Variants in MTG1 observed in about 807,000 individuals in gnomAD.
MTG1 encodes the protein mitochondrial ribosome-associated GTPase 1.
Under a neutral mutation model 39.5 loss-of-function variants are expected in MTG1, and 30 were observed. The ratio of observed to expected loss-of-function variants is 0.76; its 90% CI spans 0.57 to 1.03. MTG1 has a LOEUF of 1.03. Ranked by LOEUF, MTG1 falls within the 50% of genes least tolerant of loss-of-function variation. The probability of loss-of-function intolerance (pLI) is 0.00; values close to 1 mark genes in which losing one functional copy is unlikely to be tolerated. For missense variants in MTG1, 513 were observed against 447.4 expected, an observed-to-expected ratio of 1.15 and a Z score of -1.32; for synonymous variants, 217 against 179.0, an observed-to-expected ratio of 1.21 and a Z score of -1.69.
chr10:133,399,745 A>C (rs1358533368), intron 6 of MTG1, 126 bp downstream of exon 6: 2 of 902,290 alleles, frequency 2.2e-6, no homozygotes, highest in Non-Finnish European at 3.5e-6. Context: ...CTGACCCCGC[A>C]GCCCCAGAGC....
At chr10:133,405,429 A>C (rs375605986) in intron 9 of MTG1, among the ~76,000 whole-genome samples, 69 of 152,316 alleles carry the variant, frequency 4.5e-4, no homozygotes, top group African/African-American at 1.6e-3. Context: ...GGTATTTGAA[A>C]TATCCTGTAG....
intron 7 of MTG1, chr10:133,401,921 A>G: frequency 5.1e-6 from 3 of 587,544 alleles, no homozygotes; most frequent in Admixed American, 5.9e-5. Context: ...CCTTGGGAGC[A>G]GAAGACAAGC....
intron 9 of MTG1, among the ~76,000 whole-genome samples, chr10:133,409,289 A>G (rs1172774863): frequency 6.6e-6 from 1 of 152,156 alleles, no homozygotes; most frequent in Non-Finnish European, 1.5e-5. Context: ...TAATTTCTTT[A>G]TTAACCCATT....
At position 133,414,921 on chromosome 10, in the gene MTG1, C is replaced by T. The variant is rs373034195; in HGVS notation, c.753-4559C>T. Among the ~76,000 whole-genome samples, 45 of 152,346 alleles carry T rather than the reference C, an allele frequency of 3.0e-4. No homozygotes were observed. The East Asian group carries it at 3.7e-3, about 12-fold the overall frequency. ...GACTCCGTCTGCAATCCCTGCACCTCGGGAGGCCGAGGCTGGCGGATCACT... is the reference window on the plus strand; with the variant it reads ...GACTCCGTCTGCAATCCCTGCACCTTGGGAGGCCGAGGCTGGCGGATCACT... On this transcript the variant is annotated intron_variant, in intron 9 of 10. Coordinates refer to ENST00000317502, the MANE Select transcript of MTG1 (RefSeq NM_138384.4).
Position 133,415,039 on chromosome 10 carries a change from GC to G in MTG1, c.753-4439del, listed in dbSNP as rs547669184. 2.1e-3 allele frequency among the ~76,000 whole-genome samples: 313 copies of G among 152,362 alleles called. 3 individuals carry two copies. The highest frequency in any genetic ancestry group is 7.1e-3 in the African/African-American group (296 of 41,580). ...AAACCAGTCAGGCGTGGTGGCGCGC[GC>G]CTGCAATTGGAGGCACTCGGCAGGC... On this transcript the variant is annotated intron_variant, in intron 9 of 10. Coordinates refer to ENST00000317502, the MANE Select transcript of MTG1 (RefSeq NM_138384.4).
At chr10:133,409,612 G>A (rs1018304710) in intron 9 of MTG1, among the ~76,000 whole-genome samples, 4 of 151,252 alleles carry the variant, frequency 2.6e-5, no homozygotes, top group African/African-American at 9.8e-5. Flanking sequence ...CTACGGAGAG[G>A]GGGTGTTGAA....
In MTG1 at chr10:133,421,853, G is replaced by A. The variant is rs761284195; in HGVS notation, c.*1688G>A. 2 of 151,638 alleles carry A rather than the reference G, an allele frequency of 1.3e-5. No homozygotes were observed. Among genetic ancestry groups the A allele is most frequent in the Admixed American group, 1.3e-4 (2 of 14,986 alleles). The allele number at this position is 151,638 out of a possible 1,614,324, so 9.4% of individuals were successfully genotyped here. On this transcript the variant is annotated 3_prime_UTR_variant, in exon 11 of 11. Transcript: ENST00000317502. ...CCCAGGAGGGATGCAGTCCGGCTGA[G>A]GGCGAGGCTGTCCCCAGGACATGGA... is the stretch of plus-strand genomic sequence containing the variant.
chr10:133,399,038 T>G (rs755447945), intron 4 of MTG1, 132 bp from the exon 5 acceptor site: 23 of 988,160 alleles, frequency 2.3e-5, no homozygotes, highest in Non-Finnish European at 3.6e-5. Context: ...GATAGGAGGT[T>G]TCTGTTTTCC....
chr10:133,402,212 AGT>A lies in MTG1; in HGVS notation c.641_642del (p.Val214GlyfsTer24). ...TPGVLAPRIESVETGLKLALC... is the reference protein window; with the variant it reads ...TPGVLAPRIEXVETGLKLALC... ...TGGCGTGCTGGCTCCTCGGATTGAAAGTGTGGAGACAGGCCTGAAGCTGGCCC... is the reference window on the plus strand; with the variant it reads ...TGGCGTGCTGGCTCCTCGGATTGAAAGTGGAGACAGGCCTGAAGCTGGCCC... On this transcript the variant is annotated frameshift_variant, in exon 8 of 11. Coordinates refer to ENST00000317502, the MANE Select transcript of MTG1 (RefSeq NM_138384.4). LOFTEE classifies it high-confidence loss of function. This position sits in a 1 kb window ranked among gnomAD's most constrained non-coding sequence, Gnocchi z 4.7. 2 of 1,564,744 alleles carry A rather than the reference AGT, an allele frequency of 1.3e-6. No homozygotes were observed. Among genetic ancestry groups the A allele is most frequent in the Non-Finnish European group, 1.7e-6 (2 of 1,146,746 alleles).
intron 1 of MTG1, 174 bp downstream of exon 1, chr10:133,394,506 C>T (rs1849751649): frequency 1.5e-6 from 2 of 1,336,592 alleles, no homozygotes; most frequent in South Asian, 1.8e-5. Context: ...GCCGCCGGGA[C>T]CCCTTCCCCT....
rs569973673 is a variant in MTG1, at chr10:133,416,005, C to T, written c.753-3475C>T. The stretch of plus-strand genomic sequence containing the variant: ...TGTCGGCACGCGGGTGTCGGGCAGG[C>T]GGGTGTCGGGCACGTGGGTGTCGGG... On this transcript the variant is annotated intron_variant, in intron 9 of 10. Transcript: ENST00000317502. Among the ~76,000 whole-genome samples, 342 of 137,540 alleles carry T rather than the reference C, an allele frequency of 2.5e-3. 3 individuals are homozygous for T. Among genetic ancestry groups the T allele is most frequent in the African/African-American group, 9.5e-3 (307 of 32,374 alleles). The allele number at this position is 137,540 out of a possible 152,430, so 90.2% of individuals were successfully genotyped here.
At chr10:133,414,293 GAA>G (rs1279731414) in intron 9 of MTG1, among the ~76,000 whole-genome samples, 4 of 150,918 alleles carry the variant, frequency 2.7e-5, no homozygotes, top group Non-Finnish European at 5.9e-5. Flanking sequence ...AGAACAAAAT[GAA>G]AAGTCTCCCA....
At position 133,402,132 on chromosome 10, in the gene MTG1, C is replaced by G. The variant is rs1199550805; in HGVS notation, c.574-17C>G. ...GGCTGCCACCGCGGCCTGATCATGC[C>G]CTCTGTGCCCACACAGGTCTCTGAG... On this transcript the variant is annotated splice_polypyrimidine_tract_variant and intron_variant, in intron 7 of 10. Coordinates refer to ENST00000317502, the MANE Select transcript of MTG1 (RefSeq NM_138384.4). This position sits in a 1 kb window ranked among gnomAD's most constrained non-coding sequence, Gnocchi z 4.7. 6.2e-6 allele frequency: 10 copies of G among 1,613,834 alleles called. No homozygotes were observed. The highest frequency in any genetic ancestry group is 8.5e-6 in the Non-Finnish European group (10 of 1,179,974).
At position 133,419,843 on chromosome 10, in the gene MTG1, A is replaced by G. The variant is rs181392290; in HGVS notation, c.866-183A>G. Among the ~76,000 whole-genome samples, 590 of 152,198 alleles carry G rather than the reference A, an allele frequency of 3.9e-3. 6 individuals carry two copies. Among genetic ancestry groups the G allele is most frequent in the Non-Finnish European group, 1.9e-3 (130 of 67,996 alleles). On this transcript the variant is annotated intron_variant, in intron 10 of 10. Transcript: ENST00000317502. ...CTAGGTGGACACCTGCAGGCCTCAC[A>G]TGCCTGGCCTTGGAGGCTCCGGGCA...
intron 9 of MTG1, among the ~76,000 whole-genome samples, chr10:133,406,199 G>C (rs1051889720): frequency 1.3e-5 from 2 of 152,022 alleles, no homozygotes; most frequent in African/African-American, 2.4e-5. Flanking sequence ...TTTTTTTGCT[G>C]TTGAGTTGAA....
chr10:133,407,332 T>G (rs1374001065), intron 9 of MTG1, among the ~76,000 whole-genome samples: 1 of 152,226 alleles, frequency 6.6e-6, no homozygotes, highest in Non-Finnish European at 1.5e-5. Context: ...TTGCAGAGTG[T>G]CATTGCTATT....
chr10:133,419,529 G>A lies in MTG1; in HGVS notation c.802G>A (p.Val268Met), dbSNP rs565300284. The change falls in exon 10 of 11, where the codon GTG (valine) becomes ATG (methionine). Residue 268 changes from valine (V) to methionine (M), a missense_variant. Coordinates refer to ENST00000317502, the MANE Select transcript of MTG1 (RefSeq NM_138384.4). ...LGSACDNVER[V>M]LKSVAVKLGK... ...CAGTGCCTGTGACAACGTAGAGCGC[G>A]TGCTGAAGAGTGTGGCTGTGAAGCT... The A allele has an allele frequency of 1.0e-4, 167 of 1,610,264 alleles. 2 individuals are homozygous for A. In the South Asian group the frequency reaches 1.5e-3, roughly 14 times the overall value.
In MTG1 at chr10:133,419,547, G is replaced by T. The variant is rs145394497; in HGVS notation, c.820G>T (p.Val274Leu). The T allele has an allele frequency of 1.5e-4, 244 of 1,610,532 alleles. No individual in the cohort carries two copies. Among genetic ancestry groups the T allele is most frequent in the Non-Finnish European group, 1.9e-4 (222 of 1,178,756 alleles). The change falls in exon 10 of 11, where the codon GTG becomes TTG. Residue 274 changes from valine (V) to leucine (L), a missense_variant. Transcript: ENST00000317502. ...NVERVLKSVAVKLGKTQKVKV... is the reference protein window; with the variant it reads ...NVERVLKSVALKLGKTQKVKV... ...AGAGCGCGTGCTGAAGAGTGTGGCT[G>T]TGAAGCTGGGGAAGACGCAGAAGGT...
chr10:133,394,612 CT>C (rs1370041298), intron 1 of MTG1: 4 of 1,292,378 alleles, frequency 3.1e-6, no homozygotes, highest in African/African-American at 3.1e-5. Context: ...CCCGCCGCCC[CT>C]GTCCTCTGTT....
Sources: gnomAD v4.1 joint callset for allele counts (sites outside exome capture counted in the v4.1 genomes callset) on GRCh38, gnomAD v4.1.1 for gene constraint, Gnocchi (gnomAD v3.1) non-coding constraint, MANE v1.5 for transcripts, NCBI Gene and HGNC (gene_info 2026-07-23, HGNC 2026-07-21) for gene names.